ADRA1B: variants seen among roughly 807,000 people sequenced by gnomAD.
ADRA1B encodes the protein alpha-1B adrenergic receptor.
A neutral mutation model predicts 17.9 loss-of-function variants in ADRA1B; 17 were observed. The ratio of observed to expected loss-of-function variants is 0.95; its 90% CI spans 0.65 to 1.42. The LOEUF (loss-of-function observed/expected upper bound fraction) is 1.42. ADRA1B is among the 40% of genes most tolerant of loss of function. The pLI, the probability that ADRA1B is intolerant of heterozygous loss-of-function variation, is 0.00. For missense variants in ADRA1B, 681 were observed against 722.1 expected, an observed-to-expected ratio of 0.94 and a Z score of 0.65; for synonymous variants, 366 against 327.6, an observed-to-expected ratio of 1.12 and a Z score of -1.27.
intron 1 of ADRA1B, 118 bp downstream of exon 1, chr5:159,917,972 G>C: frequency 1.1e-6 from 1 of 920,914 alleles, no homozygotes; most frequent in Non-Finnish European, 1.7e-6. Flanking sequence ...CGTGTTCGGA[G>C]ATTGAATAAT....
chr5:159,873,435 C>G (rs1202983021), intron 1 of ADRA1B, among the ~76,000 whole-genome samples: 1 of 152,150 alleles, frequency 6.6e-6, no homozygotes, highest in Non-Finnish European at 1.5e-5. Context: ...CAGAGAGCCA[C>G]CTTGCCCAGG....
At chr5:159,967,081 C>T (rs1316440099) in intron 1 of ADRA1B, among the ~76,000 whole-genome samples, 1 of 152,196 alleles carries the variant, frequency 6.6e-6, no homozygotes, top group Non-Finnish European at 1.5e-5. Flanking sequence ...AAACTGTTAA[C>T]TCTGATCCCT....
At chr5:159,960,222 G>A (rs1422742976) in intron 1 of ADRA1B, among the ~76,000 whole-genome samples, 1 of 152,206 alleles carries the variant, frequency 6.6e-6, no homozygotes, top group Non-Finnish European at 1.5e-5. Flanking sequence ...TGGAAAGGAT[G>A]GAGAGAAAAG....
chr5:159,893,588 G>T (rs1010050247), intron 1 of ADRA1B, among the ~76,000 whole-genome samples: 1 of 152,194 alleles, frequency 6.6e-6, no homozygotes, highest in African/African-American at 2.4e-5. Context: ...AAGGGAAAAG[G>T]TCAAATGTCA....
rs757479764 is a variant in ADRA1B, at chr5:159,917,333, G to A, written c.428G>A (p.Arg143His). The A allele has an allele frequency of 7.4e-6, 12 of 1,613,828 alleles. No homozygotes were observed. The highest frequency in any genetic ancestry group is 5.1e-6 in the Non-Finnish European group (6 of 1,180,024). Residue 143 changes from arginine (R) to histidine (H), a missense_variant, in exon 1 of 2, where the codon CGC (arginine) becomes CAC (histidine). Arg to His is a conservative substitution (Grantham distance 29). This residue lies in a region of ADRA1B where 424 missense variants were observed against 480.2 expected (regional missense o/e 0.88). Coordinates refer to ENST00000306675, the MANE Select transcript of ADRA1B (RefSeq NM_000679.4). ...AGCCTGTGCGCCATCTCCATCGATC[G>A]CTACATCGGGGTGCGCTACTCTCTG... ...ILSLCAISID[R>H]YIGVRYSLQY...
rs1754370279 is a variant in ADRA1B, at chr5:159,917,803, G to A, written c.898G>A (p.Val300Ile). 6.2e-7 allele frequency: 1 copy of A among 1,613,274 alleles called. No individual in the cohort carries two copies. Among genetic ancestry groups the A allele is most frequent in the African/African-American group, 1.3e-5 (1 of 74,910 alleles). The change falls in exon 1 of 2, where the codon GTC becomes ATC. Residue 300 changes from valine (V) to isoleucine (I), a missense_variant. By Grantham distance (29) the Val-to-Ile change is conservative. Transcript: ENST00000306675. Reference sequence around the variant, plus strand: ...AGCAGCTAAGACGTTGGGCATTGTGGTCGGTATGTTCATCTTGTGCTGGCT... The same window carrying A: ...AGCAGCTAAGACGTTGGGCATTGTGATCGGTATGTTCATCTTGTGCTGGCT... ...KKAAKTLGIVVGMFILCWLPF... is the reference protein window; with the variant it reads ...KKAAKTLGIVIGMFILCWLPF...
At chr5:159,948,538 G>T (rs1755338720) in intron 1 of ADRA1B, 11 of 930,622 alleles carry the variant, frequency 1.2e-5, no homozygotes, top group Non-Finnish European at 1.4e-5. Context: ...AAATTTAAAA[G>T]AATCAGAAAA....
chr5:159,881,559 G>A (rs1432441859), intron 1 of ADRA1B, among the ~76,000 whole-genome samples: 1 of 152,122 alleles, frequency 6.6e-6, no homozygotes, highest in African/African-American at 2.4e-5. Context: ...GAATTGATTG[G>A]TCAAGTGGTC....
rs578239243 is a variant in ADRA1B, at chr5:159,894,807, T to C, written c.-255-21312T>C. Among the ~76,000 whole-genome samples, 112 of 152,228 alleles carry C rather than the reference T, an allele frequency of 7.4e-4. 1 individual carries two copies. In the Middle Eastern group the frequency reaches 0.01, roughly 14 times the overall value. ...GCTCTCTAGCCCCAGGAAGGTGATGTTGTCACTGTCATTTTACAGACAAGG... is the reference window on the plus strand; with the variant it reads ...GCTCTCTAGCCCCAGGAAGGTGATGCTGTCACTGTCATTTTACAGACAAGG... On this transcript the variant is annotated intron_variant, in intron 1 of 2. Transcript: ENST00000641205.
chr5:159,879,252 A>T (rs1390883931), intron 1 of ADRA1B, among the ~76,000 whole-genome samples: 1 of 152,104 alleles, frequency 6.6e-6, no homozygotes, highest in Non-Finnish European at 1.5e-5. Context: ...CACCGGGGAA[A>T]GGGGCCCAGT....
intron 1 of ADRA1B, among the ~76,000 whole-genome samples, chr5:159,879,532 C>G (rs1404340317): frequency 2.0e-5 from 3 of 152,206 alleles, no homozygotes; most frequent in Admixed American, 2.0e-4. Flanking sequence ...GTGACTCATT[C>G]CACAAGCCAA....
At chr5:159,881,299 TTCTCTCTCTCTCTCTCTCTC>T (rs11471058) in intron 1 of ADRA1B, among the ~76,000 whole-genome samples, 1 of 131,982 alleles carries the variant, frequency 7.6e-6, no homozygotes, top group Non-Finnish European at 1.7e-5. Flanking sequence ...TATCAGAAAG[TTCTCTCTCTCTCTCTCTCTC>T]TCTCTCTCTC....
chr5:159,887,874 G>C (rs1246549179), intron 1 of ADRA1B, among the ~76,000 whole-genome samples: 1 of 150,188 alleles, frequency 6.7e-6, no homozygotes, highest in African/African-American at 2.5e-5. Context: ...TGCTAACAAG[G>C]GTTTGGGGAT....
chr5:159,927,514 C>A (rs1224646163), intron 1 of ADRA1B, among the ~76,000 whole-genome samples: 1 of 151,692 alleles, frequency 6.6e-6, no homozygotes, highest in East Asian at 1.9e-4. Flanking sequence ...ATTATTTCAC[C>A]AAAAATACAG....
intron 1 of ADRA1B, among the ~76,000 whole-genome samples, chr5:159,927,776 A>C (rs905161122): frequency 2.6e-5 from 4 of 152,214 alleles, no homozygotes; most frequent in Middle Eastern, 3.4e-3. Context: ...GACGTCCAAT[A>C]GTACACCAGT....
chr5:159,890,641 AC>A (rs1488305024), intron 1 of ADRA1B, among the ~76,000 whole-genome samples: 2 of 152,138 alleles, frequency 1.3e-5, no homozygotes, highest in Admixed American at 1.3e-4. Flanking sequence ...ATCAAGTCAA[AC>A]CCCCGCACAT....
At chr5:159,906,847 A>C (rs1225073083) in intron 1 of ADRA1B, among the ~76,000 whole-genome samples, 1 of 152,140 alleles carries the variant, frequency 6.6e-6, no homozygotes, top group Admixed American at 6.5e-5. Flanking sequence ...CTCCAGACTG[A>C]ATACTCTTTT....
chr5:159,956,261 T>C (rs1644111228), intron 1 of ADRA1B, among the ~76,000 whole-genome samples: 1 of 152,108 alleles, frequency 6.6e-6, no homozygotes, highest in Non-Finnish European at 1.5e-5. Context: ...ACAACAAAAA[T>C]GTCCATTGCA....
intron 1 of ADRA1B, among the ~76,000 whole-genome samples, chr5:159,875,564 A>G (rs527329154): frequency 2.0e-5 from 3 of 152,312 alleles, no homozygotes; most frequent in African/African-American, 4.8e-5. Flanking sequence ...GAGTCCACTA[A>G]AACTCCAGTT....
Sources: allele counts gnomAD v4.1 joint callset (sites outside exome capture counted in the v4.1 genomes callset), GRCh38; gene constraint gnomAD v4.1.1; regional missense constraint gnomAD v4.1.1; transcripts MANE v1.5; gene names NCBI Gene and HGNC (gene_info 2026-07-23, HGNC 2026-07-21).